Variants in TAFA5 observed in about 807,000 individuals in gnomAD.
TAFA5 encodes TAFA chemokine like family member 5, also known as chemokine-like protein TAFA-5.
TAFA5 carries 6 observed loss-of-function variants against 15.3 expected under a neutral mutation model. That is an observed-to-expected ratio of 0.39 (90% confidence interval 0.21 to 0.77). The LOEUF is 0.77. Ranked by LOEUF, TAFA5 falls within the 30% of genes least tolerant of loss-of-function variation. The pLI is 0.41. For missense variants in TAFA5, 161 were observed against 193.1 expected (o/e 0.83, Z 0.98); for synonymous variants, 103 against 80.7 (o/e 1.28, Z -1.48).
intron 3 of TAFA5, among the ~76,000 whole-genome samples, chr22:48,717,350 C>G (rs1430330944): frequency 6.6e-6 from 1 of 151,956 alleles, no homozygotes; most frequent in African/African-American, 2.4e-5. Context: ...CCCTGGACAT[C>G]CCAGGAGGAG....
At chr22:48,546,262 T>A (rs1342888447) in intron 1 of TAFA5, among the ~76,000 whole-genome samples, 1 of 152,246 alleles carries the variant, frequency 6.6e-6, no homozygotes, top group Non-Finnish European at 1.5e-5. Context: ...TCCCAGCAGC[T>A]GAGGCTCCCA....
chr22:48,582,508 TACACA>T (rs1924096983), intron 1 of TAFA5, among the ~76,000 whole-genome samples: 1 of 39,594 alleles, frequency 2.5e-5, no homozygotes, highest in Non-Finnish European at 5.2e-5. Flanking sequence ...CAAAATACAC[TACACA>T]CAAAATACAC....
At chr22:48,619,478 C>T (rs967404509) in intron 1 of TAFA5, among the ~76,000 whole-genome samples, 1 of 152,218 alleles carries the variant, frequency 6.6e-6, no homozygotes, top group Non-Finnish European at 1.5e-5. Flanking sequence ...GCCTCAGCCT[C>T]CCGAGTAGCT....
At chr22:48,548,214 C>T (rs1768305456) in intron 1 of TAFA5, among the ~76,000 whole-genome samples, 1 of 152,160 alleles carries the variant, frequency 6.6e-6, no homozygotes, top group Admixed American at 6.5e-5. Flanking sequence ...GTGTTGACAC[C>T]CATTAGGATT....
chr22:48,747,587 A>G (rs1930364311), intron 3 of TAFA5, among the ~76,000 whole-genome samples: 1 of 152,038 alleles, frequency 6.6e-6, no homozygotes, highest in African/African-American at 2.4e-5. Context: ...AACCTTTAGT[A>G]TGGGCTCCAT....
intron 1 of TAFA5, among the ~76,000 whole-genome samples, chr22:48,637,865 C>G (rs1926507234): frequency 6.6e-6 from 1 of 152,034 alleles, no homozygotes; most frequent in South Asian, 2.1e-4. Flanking sequence ...CTTTCTCCTT[C>G]CGGTTTATGA....
Position 48,489,773 on chromosome 22 carries a change from A to C in TAFA5, c.112+69A>C, listed in dbSNP as rs1450166110. The C allele has an allele frequency of 9.7e-7, 1 of 1,027,862 alleles. No individual in the cohort carries two copies. Among genetic ancestry groups the C allele is most frequent in the Non-Finnish European group, 1.3e-6 (1 of 776,918 alleles). 63.7% of individuals were successfully genotyped at this position (1,027,862 alleles called of 1,614,324 possible). ...CCGGACCCCCTCCTCCGGCCCCGGC[A>C]GGCGCCCCGCGGGCCTCCCGGAGTC... On this transcript the variant is annotated intron_variant, in intron 1 of 3. Transcript: ENST00000402357. This position sits in a 1 kb window ranked among gnomAD's most constrained non-coding sequence, Gnocchi z 5.5.
intron 1 of TAFA5, chr22:48,576,537 C>A (rs892877649): frequency 6.6e-7 from 1 of 1,519,144 alleles, no homozygotes. Context: ...GCTGCTTCCT[C>A]GTCCTAGTGA....
intron 1 of TAFA5, among the ~76,000 whole-genome samples, chr22:48,515,318 T>TG (rs1410903393): frequency 3.3e-5 from 5 of 152,220 alleles, no homozygotes; most frequent in African/African-American, 1.2e-4. Flanking sequence ...GCCCAGGGCT[T>TG]GCGCAGGCAG....
At chr22:48,594,590 T>C (rs998911391) in intron 1 of TAFA5, among the ~76,000 whole-genome samples, 2 of 151,974 alleles carry the variant, frequency 1.3e-5, no homozygotes, top group Non-Finnish European at 2.9e-5. Flanking sequence ...ATGATCCCCA[T>C]AGGCTCATGC....
At chr22:48,637,899 C>A (rs907428388) in intron 1 of TAFA5, among the ~76,000 whole-genome samples, 1 of 152,132 alleles carries the variant, frequency 6.6e-6, no homozygotes, top group Non-Finnish European at 1.5e-5. Context: ...TGTGTAAAGC[C>A]TTGAAAACAG....
chr22:48,658,207 A>G (rs1247243798), intron 2 of TAFA5, among the ~76,000 whole-genome samples: 1 of 150,664 alleles, frequency 6.6e-6, no homozygotes, highest in African/African-American at 2.4e-5. Context: ...TCCACCTCCG[A>G]AACTCAGCCC....
intron 1 of TAFA5, among the ~76,000 whole-genome samples, chr22:48,635,105 C>G (rs964883384): frequency 1.3e-5 from 2 of 152,144 alleles, no homozygotes; most frequent in Non-Finnish European, 2.9e-5. Context: ...GGACGGAGAA[C>G]GCAGAGCACA....
chr22:48,733,226 A>G (rs539427064), intron 3 of TAFA5, among the ~76,000 whole-genome samples: 3 of 152,324 alleles, frequency 2.0e-5, no homozygotes, highest in Non-Finnish European at 2.9e-5. Flanking sequence ...CACTAGGGGG[A>G]CACAGTCTTA....
At chr22:48,743,435 C>T (rs1239026412) in intron 3 of TAFA5, among the ~76,000 whole-genome samples, 3 of 152,204 alleles carry the variant, frequency 2.0e-5, no homozygotes, top group Non-Finnish European at 4.4e-5. Flanking sequence ...TAATCTGATA[C>T]GACCCCATTC....
At chr22:48,672,110 T>C (rs1569073442) in intron 2 of TAFA5, among the ~76,000 whole-genome samples, 1 of 152,246 alleles carries the variant, frequency 6.6e-6, no homozygotes, top group Admixed American at 6.5e-5. Flanking sequence ...TCAGCTGATA[T>C]TGAGAGATTT....
At chr22:48,643,774 C>T (rs983442164) in intron 1 of TAFA5, among the ~76,000 whole-genome samples, 21 of 152,210 alleles carry the variant, frequency 1.4e-4, no homozygotes, top group African/African-American at 5.1e-4. Flanking sequence ...TTGGGCCCTG[C>T]CCCAAGGAGG....
chr22:48,553,069 A>C (rs1922912822), intron 1 of TAFA5, among the ~76,000 whole-genome samples: 3 of 151,880 alleles, frequency 2.0e-5, no homozygotes, highest in Admixed American at 2.0e-4. Context: ...CACCACACCC[A>C]GCACGGGCTC....
intron 2 of TAFA5, among the ~76,000 whole-genome samples, chr22:48,687,284 A>G (rs13058628): frequency 6.7e-6 from 1 of 149,590 alleles, no homozygotes; most frequent in African/African-American, 2.5e-5. Flanking sequence ...TGGATGGTGG[A>G]CGGATGGATG....
Sources: allele counts gnomAD v4.1 joint callset (sites outside exome capture counted in the v4.1 genomes callset), GRCh38; gene constraint gnomAD v4.1.1; non-coding constraint Gnocchi (gnomAD v3.1); transcripts MANE v1.5; gene names NCBI Gene and HGNC (gene_info 2026-07-23, HGNC 2026-07-21).